The following STK24 variants were observed in gnomAD, a reference collection of about 807,000 sequenced individuals.
STK24 encodes serine/threonine kinase 24.
STK24 carries 21 observed loss-of-function variants against 55.6 expected under a neutral mutation model. That is an observed-to-expected ratio of 0.38 (90% confidence interval 0.27 to 0.54). STK24 has a LOEUF of 0.54. Ranked by LOEUF, STK24 falls within the 20% of genes least tolerant of loss-of-function variation. The pLI is 0.79. For synonymous variants in STK24, 200 were observed against 215.2 expected (o/e 0.93, Z 0.62); for missense variants, 383 against 538.4 (o/e 0.71, Z 2.86).
At chr13:98,503,163 T>A (rs1465471983) in intron 2 of STK24, among the ~76,000 whole-genome samples, 2 of 151,170 alleles carry the variant, frequency 1.3e-5, no homozygotes, top group African/African-American at 2.4e-5. Context: ...GAGTGTTTTT[T>A]AAAAAAAACA....
In STK24 at chr13:98,538,222, CTTTTTTT is replaced by C. The variant is rs55720452; in HGVS notation, c.43-18756_43-18750del. 2.8e-4 allele frequency among the ~76,000 whole-genome samples: 26 copies of C among 91,634 alleles called. 1 individual carries two copies. The East Asian group carries it at 9.3e-3, about 33-fold the overall frequency. The allele number at this position is 91,634 out of a possible 152,430, so 60.1% of individuals were successfully genotyped here. On this transcript the variant is annotated intron_variant, in intron 1 of 10. Transcript: ENST00000539966. ...AGGTCAATCACTGCTTTGGTGCTTG[CTTTTTTT>C]TTTTTTTTTTTTTTGAGATGGAGTC...
At chr13:98,455,195 T>G (rs1469296318) in intron 10 of STK24, 1 of 152,234 alleles carries the variant, frequency 6.6e-6, no homozygotes, top group Non-Finnish European at 1.5e-5. Context: ...TGAAACTAAT[T>G]TCACTTCTTT....
intron 5 of STK24, among the ~76,000 whole-genome samples, chr13:98,469,694 C>A (rs1292180179): frequency 1.3e-5 from 2 of 152,002 alleles, no homozygotes; most frequent in African/African-American, 2.4e-5. Context: ...CAGCACCCTG[C>A]GTCCCCTCTA....
intron 1 of STK24, among the ~76,000 whole-genome samples, chr13:98,528,231 A>G (rs1001892604): frequency 1.3e-5 from 2 of 152,344 alleles, no homozygotes; most frequent in African/African-American, 4.8e-5. Context: ...GGCCAATGTC[A>G]TGACCACACC....
chr13:98,525,565 A>T (rs957086893), intron 1 of STK24, among the ~76,000 whole-genome samples: 2 of 152,166 alleles, frequency 1.3e-5, no homozygotes, highest in Non-Finnish European at 2.9e-5. Flanking sequence ...GCACTCAAAA[A>T]TATCAATTAG....
Position 98,522,707 on chromosome 13 carries a change from G to C in STK24, c.43-3234C>G, listed in dbSNP as rs115939420. On this transcript the variant is annotated intron_variant, in intron 1 of 10. Transcript: ENST00000539966. ...CTCCTTTGCTCAGCTGCAAGCTGAA[G>C]AGTCAGGGGCTGTGTCTCACGCACC... Among the ~76,000 whole-genome samples, 1,288 of 152,314 alleles carry C rather than the reference G, an allele frequency of 8.5e-3. 18 individuals are homozygous for C. The highest frequency in any genetic ancestry group is 0.029 in the African/African-American group (1,218 of 41,554).
chr13:98,518,611 A>G (rs1896151901), intron 2 of STK24, among the ~76,000 whole-genome samples: 1 of 152,250 alleles, frequency 6.6e-6, no homozygotes, highest in Admixed American at 6.5e-5. Context: ...GGATTGTTCT[A>G]CGATGTCTAA....
At chr13:98,576,662 T>G (rs1897904790) in intron 1 of STK24, 83 bp downstream of exon 1, 22 of 1,208,728 alleles carry the variant, frequency 1.8e-5, no homozygotes, top group East Asian at 3.5e-5. Context: ...CGGCTGAGCG[T>G]AGGGGGACGC....
rs568138924 is a variant in STK24, at chr13:98,495,158, A to T, written c.274-12837T>A. 3.3e-5 allele frequency among the ~76,000 whole-genome samples: 5 copies of T among 152,348 alleles called. No individual in the cohort carries two copies. The East Asian group carries it at 9.6e-4, about 29-fold the overall frequency. On this transcript the variant is annotated intron_variant, in intron 2 of 10. Transcript: ENST00000539966. ...CAGCCCACTTTCCTTATTTTGAAGCAGGTGTCTTTACTTACTCAAATGCCT... is the reference window on the plus strand; with the variant it reads ...CAGCCCACTTTCCTTATTTTGAAGCTGGTGTCTTTACTTACTCAAATGCCT...
Position 98,446,671 on chromosome 13 carries a change from T to G in STK24, c.*6502A>C. 1 of 1,614,020 alleles carries G rather than the reference T, an allele frequency of 6.2e-7. No individual in the cohort carries two copies. The highest frequency in any genetic ancestry group is 8.5e-7 in the Non-Finnish European group (1 of 1,180,004). On this transcript the variant is annotated 3_prime_UTR_variant, in exon 11 of 11. Transcript: ENST00000539966. ...GCTTTGTTTCCCCTTTCCAGGACAA[T>G]CATCCCCTTGCCAGCCTGCCTCTGC...
At chr13:98,477,336 A>G (rs1465365623) in intron 3 of STK24, among the ~76,000 whole-genome samples, 2 of 152,210 alleles carry the variant, frequency 1.3e-5, no homozygotes, top group African/African-American at 4.8e-5. Flanking sequence ...GCTTTTGTTC[A>G]TAATGCTGGA....
In STK24 at chr13:98,459,286, G is replaced by C. The variant is rs540444786; in HGVS notation, c.1122+1086C>G. On this transcript the variant is annotated intron_variant, in intron 9 of 10. Coordinates refer to ENST00000539966, the MANE Select transcript of STK24 (RefSeq NM_001032296.4). ...GAACCATGAGCCAGGGCTGAAGCCAGACATCATCCAGCAGGGCCTCCGCGT... is the reference window on the plus strand; with the variant it reads ...GAACCATGAGCCAGGGCTGAAGCCACACATCATCCAGCAGGGCCTCCGCGT... 3.3e-5 allele frequency among the ~76,000 whole-genome samples: 5 copies of C among 152,380 alleles called. No individual in the cohort carries two copies. In the East Asian group the frequency reaches 9.6e-4, roughly 29 times the overall value.
Position 98,448,393 on chromosome 13 carries a change from GTAAAATTA to G in STK24, c.*4772_*4779del. Reference sequence around the variant, plus strand: ...CTTTCTTCTGTATTAATGAAGCCTGGTAAAATTAACACCTGTCTGAAAATCAAAAACAT... The same window carrying G: ...CTTTCTTCTGTATTAATGAAGCCTGGACACCTGTCTGAAAATCAAAAACAT... On this transcript the variant is annotated 3_prime_UTR_variant, in exon 11 of 11. Transcript: ENST00000539966. 1 of 1,180,012 alleles carries G rather than the reference GTAAAATTA, an allele frequency of 8.5e-7. No individual in the cohort carries two copies. The highest frequency in any genetic ancestry group is 1.5e-5 in the African/African-American group (1 of 66,266). 73.1% of individuals were successfully genotyped at this position (1,180,012 alleles called of 1,614,324 possible). A position where few individuals can be genotyped will look rare whatever the true frequency, so the allele number is the denominator to read the frequency against.
intron 1 of STK24, among the ~76,000 whole-genome samples, chr13:98,539,257 G>A (rs1896821062): frequency 6.6e-6 from 1 of 152,124 alleles, no homozygotes; most frequent in Non-Finnish European, 1.5e-5. Flanking sequence ...TTGTGATTCG[G>A]CTGCTTTTCT....
intron 1 of STK24, among the ~76,000 whole-genome samples, chr13:98,520,117 A>G (rs1483550932): frequency 6.6e-6 from 1 of 152,208 alleles, no homozygotes. Context: ...TATAGTATAC[A>G]TTTCTAAGAA....
At chr13:98,514,867 G>A (rs1303160909) in intron 2 of STK24, among the ~76,000 whole-genome samples, 2 of 151,914 alleles carry the variant, frequency 1.3e-5, no homozygotes, top group Middle Eastern at 3.4e-3. Context: ...TTTTAATAAG[G>A]GAAAATCATC....
Position 98,482,307 on chromosome 13 carries a change from C to A in STK24, c.288G>T (p.Trp96Cys). 2 of 1,568,228 alleles carry A rather than the reference C, an allele frequency of 1.3e-6. No homozygotes were observed. The highest frequency in any genetic ancestry group is 1.7e-6 in the Non-Finnish European group (2 of 1,149,354). Residue 96 changes from tryptophan (W) to cysteine (C), a missense_variant, in exon 3 of 11, where the codon TGG (tryptophan) becomes TGT (cysteine). Physicochemically the swap from Trp to Cys is radical, Grantham distance 215. Transcript: ENST00000539966. ...CTCCACCAAGATATTCCATTATTAT[C>A]CATAATTTTGTATCCTATAAAACAA... The part of the protein sequence containing the change: ...YGSYLKDTKL[W>C]IIMEYLGGGS...
At chr13:98,469,876 C>T (rs558046051) in intron 5 of STK24, among the ~76,000 whole-genome samples, 2 of 152,176 alleles carry the variant, frequency 1.3e-5, no homozygotes, top group Non-Finnish European at 2.9e-5. Flanking sequence ...GCATACAAAT[C>T]GAAAGCCACA....
intron 1 of STK24, among the ~76,000 whole-genome samples, chr13:98,574,976 A>T (rs1897843535): frequency 6.6e-6 from 1 of 152,350 alleles, no homozygotes; most frequent in Admixed American, 6.5e-5. Context: ...GCTATCCACA[A>T]AGGCCAATTA....
Sources: allele counts gnomAD v4.1 joint callset (sites outside exome capture counted in the v4.1 genomes callset), GRCh38; gene constraint gnomAD v4.1.1; transcripts MANE v1.5; gene names NCBI Gene and HGNC (gene_info 2026-07-23, HGNC 2026-07-21).